Variants in CTIF observed in about 807,000 individuals in gnomAD.
CTIF encodes cap binding complex dependent translation initiation factor.
A neutral mutation model predicts 66.0 loss-of-function variants in CTIF; 21 were observed. The observed-to-expected ratio is 0.32, with a 90% CI of 0.23 to 0.46. The LOEUF (loss-of-function observed/expected upper bound fraction) is 0.46. CTIF is among the 20% of genes least tolerant of loss of function. The pLI, the probability that CTIF is intolerant of heterozygous loss-of-function variation, is 1.00. For synonymous variants in CTIF, 345 were observed against 326.4 expected (o/e 1.06, Z -0.62); for missense variants, 739 against 812.7 (o/e 0.91, Z 1.10).
intron 9 of CTIF, among the ~76,000 whole-genome samples, chr18:48,787,878 T>G (rs1911856007): frequency 6.6e-6 from 1 of 152,140 alleles, no homozygotes; most frequent in Non-Finnish European, 1.5e-5. Context: ...CAGAAAGGCA[T>G]GAGAAAGTCT....
chr18:48,653,141 A>C (rs1047163081), intron 3 of CTIF, among the ~76,000 whole-genome samples: 1 of 152,198 alleles, frequency 6.6e-6, no homozygotes, highest in Non-Finnish European at 1.5e-5. Context: ...CACTCAGGCA[A>C]GAGAAAGAAA....
Position 48,859,399 on chromosome 18 carries a change from T to C in CTIF, c.1637T>C (p.Leu546Pro), listed in dbSNP as rs1376930007. 6.2e-7 allele frequency: 1 copy of C among 1,614,084 alleles called. No individual in the cohort carries two copies. The highest frequency in any genetic ancestry group is 8.5e-7 in the Non-Finnish European group (1 of 1,180,032). ...CAGCTGCCTGAGATGATGACAGAGC[T>C]CCTGGCCAGCGCACGGGACAAGATG... ...EEQLPEMMTELLASARDKMLC... is the reference protein window; with the variant it reads ...EEQLPEMMTEPLASARDKMLC... Residue 546 changes from leucine (L) to proline (P), a missense_variant, in exon 12 of 12, where the codon CTC becomes CCC. Leu to Pro is a moderately conservative substitution (Grantham distance 98). Around this residue, in one of 2 missense-constraint regions of CTIF, gnomAD observed 210 missense variants for 292.3 expected, o/e 0.72. Transcript: ENST00000256413.
chr18:48,841,978 G>T (rs1017936281), intron 10 of CTIF, among the ~76,000 whole-genome samples: 3 of 152,188 alleles, frequency 2.0e-5, no homozygotes, highest in Non-Finnish European at 4.4e-5. Context: ...CTGGAAGGTG[G>T]AGGAGGCTTT....
At chr18:48,817,136 G>A (rs1354055762) in intron 9 of CTIF, 85 bp from the exon 10 acceptor site, 2 of 1,387,878 alleles carry the variant, frequency 1.4e-6, no homozygotes, top group Non-Finnish European at 2.0e-6. Context: ...GCAGCCCCAA[G>A]ACAACAGATG....
intron 1 of CTIF, among the ~76,000 whole-genome samples, chr18:48,597,517 T>C (rs1463831732): frequency 6.6e-6 from 1 of 152,138 alleles, no homozygotes; most frequent in Non-Finnish European, 1.5e-5. Context: ...ACTCTCTCCC[T>C]GAGTTCACGT....
chr18:48,629,468 A>C (rs1471678433), intron 2 of CTIF, among the ~76,000 whole-genome samples: 2 of 152,002 alleles, frequency 1.3e-5, no homozygotes, highest in Admixed American at 1.3e-4. Flanking sequence ...CTTCTTTCTA[A>C]ATCATTTGAG....
intron 9 of CTIF, among the ~76,000 whole-genome samples, chr18:48,790,411 C>T (rs189004974): frequency 6.6e-5 from 10 of 152,276 alleles, no homozygotes; most frequent in Admixed American, 3.9e-4. Context: ...GTGCCGAGTT[C>T]GAGGGGGCAT....
In CTIF at chr18:48,572,217, C is replaced by T. The variant is rs145334035; in HGVS notation, c.-29+32905C>T. 2.4e-4 allele frequency among the ~76,000 whole-genome samples: 37 copies of T among 152,232 alleles called. 2 individuals carry two copies. The highest frequency in any genetic ancestry group is 8.9e-4 in the African/African-American group (37 of 41,542). ...CAACTGATTGGAGGAGGCCCACCAA[C>T]ATTACAGATGGTACTCTGTTTTCCT... On this transcript the variant is annotated intron_variant, in intron 1 of 11. Coordinates refer to ENST00000256413, the MANE Select transcript of CTIF (RefSeq NM_014772.3).
chr18:48,853,105 C>T (rs1185219162), intron 10 of CTIF, among the ~76,000 whole-genome samples: 1 of 152,216 alleles, frequency 6.6e-6, no homozygotes, highest in Non-Finnish European at 1.5e-5. Context: ...TTCTCCCTGC[C>T]TCCCAAAGCA....
At chr18:48,541,964 G>T (rs1050953019) in intron 1 of CTIF, among the ~76,000 whole-genome samples, 2 of 152,006 alleles carry the variant, frequency 1.3e-5, no homozygotes, top group Admixed American at 1.3e-4. Flanking sequence ...GCCTCTGGGT[G>T]GGGGAAGGGC....
chr18:48,827,108 GCTC>G (rs1404276955), intron 10 of CTIF, among the ~76,000 whole-genome samples: 5 of 152,168 alleles, frequency 3.3e-5, no homozygotes, highest in Non-Finnish European at 5.9e-5. Context: ...GCCGTGGCCA[GCTC>G]CGGCTCTCAC....
chr18:48,742,002 G>A (rs2092559042), intron 7 of CTIF, among the ~76,000 whole-genome samples: 2 of 152,206 alleles, frequency 1.3e-5, no homozygotes, highest in Non-Finnish European at 2.9e-5. Context: ...TTCATTTCCA[G>A]TGGAGCTCAA....
intron 1 of CTIF, among the ~76,000 whole-genome samples, chr18:48,592,491 C>G (rs1440225009): frequency 7.0e-6 from 1 of 143,736 alleles, no homozygotes; most frequent in African/African-American, 2.6e-5. Flanking sequence ...GAGTGAAACC[C>G]TGTCTCAAAA....
At chr18:48,645,358 A>G (rs1335876450) in intron 3 of CTIF, among the ~76,000 whole-genome samples, 1 of 151,836 alleles carries the variant, frequency 6.6e-6, no homozygotes, top group Admixed American at 6.6e-5. Context: ...AGGATAGAGA[A>G]GAAGGAAAAT....
rs1463611627 is a variant in CTIF at position 48,862,051 on chromosome 18, T to A, written c.*2492T>A. On this transcript the variant is annotated 3_prime_UTR_variant, in exon 12 of 12. Transcript: ENST00000256413. The stretch of plus-strand genomic sequence containing the variant: ...AGATATGGAAGGAAAACGTTAAGAC[T>A]ATTTTTTTTTTAAAGAAACAACAGT... The A allele has an allele frequency of 2.0e-5, 3 of 150,930 alleles. No individual in the cohort carries two copies. The highest frequency in any genetic ancestry group is 4.9e-5 in the African/African-American group (2 of 40,474). 9.3% of individuals were successfully genotyped at this position (150,930 alleles called of 1,614,324 possible). A position where few individuals can be genotyped will look rare whatever the true frequency, so the allele number is the denominator to read the frequency against.
chr18:48,552,425 A>G (rs1221788947), intron 1 of CTIF, among the ~76,000 whole-genome samples: 1 of 152,234 alleles, frequency 6.6e-6, no homozygotes, highest in East Asian at 1.9e-4. Flanking sequence ...TAGACTGAGT[A>G]GCTTATGAAC....
chr18:48,586,443 A>T (rs544198532), intron 1 of CTIF, among the ~76,000 whole-genome samples: 6 of 151,510 alleles, frequency 4.0e-5, no homozygotes, highest in African/African-American at 1.2e-4. Context: ...GCTAATTTTC[A>T]TATCTTTAGT....
chr18:48,560,479 C>T (rs571618698), intron 1 of CTIF, among the ~76,000 whole-genome samples: 9 of 152,300 alleles, frequency 5.9e-5, no homozygotes, highest in African/African-American at 1.9e-4. Context: ...CCCACCTCGG[C>T]CTCCCAAAGT....
intron 6 of CTIF, among the ~76,000 whole-genome samples, chr18:48,697,938 C>T (rs1242437727): frequency 6.6e-5 from 10 of 151,300 alleles, no homozygotes; most frequent in Admixed American, 6.6e-4. Flanking sequence ...CCCTGCAGTC[C>T]TGCAGTCCTG....
Sources: allele counts gnomAD v4.1 joint callset (sites outside exome capture counted in the v4.1 genomes callset), GRCh38; gene constraint gnomAD v4.1.1; regional missense constraint gnomAD v4.1.1; transcripts MANE v1.5; gene names NCBI Gene and HGNC (gene_info 2026-07-23, HGNC 2026-07-21).